GDAP1: variants seen among roughly 807,000 people sequenced by gnomAD.
GDAP1 encodes ganglioside-induced differentiation-associated protein 1.
GDAP1 carries 34 observed loss-of-function variants against 40.1 expected under a neutral mutation model. That is an observed-to-expected ratio of 0.85 (90% CI 0.64 to 1.13). The LOEUF is 1.13. GDAP1 is among the 50% of genes most tolerant of loss of function. GDAP1 has a pLI of 0.00. For synonymous variants in GDAP1, 170 were observed against 157.4 expected (o/e 1.08, Z -0.60); for missense variants, 374 against 433.7 (o/e 0.86, Z 1.22).
At chr8:74,481,615 A>G (rs557657449) in intron 2 of GDAP1, among the ~76,000 whole-genome samples, 1 of 152,218 alleles carries the variant, frequency 6.6e-6, no homozygotes, top group African/African-American at 2.4e-5. Flanking sequence ...TCCCTTTCTA[A>G]TAAGTTGTTC....
At chr8:74,357,953 A>G (rs1232233665) in intron 2 of GDAP1, among the ~76,000 whole-genome samples, 1 of 152,232 alleles carries the variant, frequency 6.6e-6, no homozygotes, top group Non-Finnish European at 1.5e-5. Context: ...TTCCTTTGAA[A>G]AACTCTTTTA....
chr8:74,461,059 T>C (rs2131579909), intron 2 of GDAP1, among the ~76,000 whole-genome samples: 2 of 152,322 alleles, frequency 1.3e-5, no homozygotes, highest in South Asian at 4.1e-4. Context: ...TCAGTCTGCA[T>C]CTGAGGCCAC....
At chr8:74,371,926 AC>A (rs1049992919) in intron 2 of GDAP1, among the ~76,000 whole-genome samples, 1 of 70,060 alleles carries the variant, frequency 1.4e-5, no homozygotes, top group African/African-American at 5.3e-5. Context: ...CTCCCCCCCC[AC>A]CCCATGACAG....
At chr8:74,384,795 C>A (rs1417945533) in intron 2 of GDAP1, among the ~76,000 whole-genome samples, 1 of 152,178 alleles carries the variant, frequency 6.6e-6, no homozygotes, top group East Asian at 1.9e-4. Context: ...GCTGCACCGA[C>A]TTACATCTTT....
chr8:74,352,613 A>G (rs1187103680), intron 2 of GDAP1, among the ~76,000 whole-genome samples: 1 of 152,264 alleles, frequency 6.6e-6, no homozygotes, highest in East Asian at 1.9e-4. Context: ...CTAGTCCCCT[A>G]GGATTGTGAT....
At position 74,366,006 on chromosome 8, in the gene GDAP1, A is replaced by G. The variant is rs145245478; in HGVS notation, c.*1639A>G. 1,145 of 451,854 alleles carry G rather than the reference A, an allele frequency of 2.5e-3. 2 individuals carry two copies. The highest frequency in any genetic ancestry group is 4.2e-3 in the Middle Eastern group (6 of 1,430). The allele number at this position is 451,854 out of a possible 1,614,324, so 28.0% of individuals were successfully genotyped here. On this transcript the variant is annotated 3_prime_UTR_variant, in exon 6 of 6. Coordinates refer to ENST00000220822, the MANE Select transcript of GDAP1 (RefSeq NM_018972.4). ...TTTATGTCACTCTGTTAGAAACAAG[A>G]ACTGAGTCGTGAAGAAATAAGAATT... is the stretch of plus-strand genomic sequence containing the variant.
intron 2 of GDAP1, among the ~76,000 whole-genome samples, chr8:74,388,857 G>A (rs1185095299): frequency 1.3e-5 from 2 of 152,084 alleles, no homozygotes; most frequent in Non-Finnish European, 2.9e-5. Flanking sequence ...ATGAATCTGG[G>A]TGCTCCTGTA....
chr8:74,356,521 G>A (rs1046635860), intron 2 of GDAP1, among the ~76,000 whole-genome samples: 9 of 151,586 alleles, frequency 5.9e-5, no homozygotes, highest in African/African-American at 1.7e-4. Flanking sequence ...TTGACACCGG[G>A]TCTTTTTGTT....
chr8:74,386,616 C>T (rs534067893), intron 2 of GDAP1, among the ~76,000 whole-genome samples: 23 of 152,174 alleles, frequency 1.5e-4, no homozygotes, highest in African/African-American at 4.8e-4. Flanking sequence ...AGTCAGGTAG[C>T]GTGATGCCTC....
chr8:74,370,805 A>G (rs1809735725), downstream of GDAP1, among the ~76,000 whole-genome samples: 1 of 152,236 alleles, frequency 6.6e-6, no homozygotes, highest in African/African-American at 2.4e-5. Flanking sequence ...TATACCAGGT[A>G]TACATCAAGA....
At chr8:74,361,561 C>A (rs1809364683) in intron 3 of GDAP1, among the ~76,000 whole-genome samples, 1 of 152,160 alleles carries the variant, frequency 6.6e-6, no homozygotes, top group Non-Finnish European at 1.5e-5. Flanking sequence ...CACGCCCAGA[C>A]AATTTTTGTA....
At chr8:74,358,576 A>G (rs1470717077) in intron 2 of GDAP1, among the ~76,000 whole-genome samples, 1 of 152,232 alleles carries the variant, frequency 6.6e-6, no homozygotes, top group Non-Finnish European at 1.5e-5. Flanking sequence ...CAATCCCACT[A>G]GCTGTCAGAG....
rs374478811 is a variant in GDAP1 at position 74,376,347 on chromosome 8, CTT to C, written c.165+25044_165+25045del. 3.4e-3 allele frequency among the ~76,000 whole-genome samples: 427 copies of C among 126,946 alleles called. 1 individual carries two copies. Among genetic ancestry groups the C allele is most frequent in the African/African-American group, 0.011 (376 of 34,310 alleles). The allele number at this position is 126,946 out of a possible 152,430, so 83.3% of individuals were successfully genotyped here. ...TGAGACACACTGGAGTTAGAGGGATCTTTTTTTTTTTTTTTTTTTGAGATGGA... is the reference window on the plus strand; with the variant it reads ...TGAGACACACTGGAGTTAGAGGGATCTTTTTTTTTTTTTTTTTGAGATGGA... On this transcript the variant is annotated intron_variant, in intron 2 of 2. Coordinates refer to the GDAP1 transcript ENST00000523640.
intron 3 of GDAP1, 55 bp from the exon 4 acceptor site, chr8:74,361,829 A>T: frequency 1.1e-6 from 1 of 947,972 alleles, no homozygotes; most frequent in Non-Finnish European, 1.7e-6. Flanking sequence ...TCTCCTTGTT[A>T]CTGGTGTAGA....
At chr8:74,469,117 A>C (rs1029488768) in intron 2 of GDAP1, among the ~76,000 whole-genome samples, 1 of 152,108 alleles carries the variant, frequency 6.6e-6, no homozygotes. Context: ...GAGTAAACCC[A>C]ATTTGGTCTT....
chr8:74,383,771 T>A (rs1353121773), intron 2 of GDAP1, among the ~76,000 whole-genome samples: 1 of 152,166 alleles, frequency 6.6e-6, no homozygotes, highest in Non-Finnish European at 1.5e-5. Context: ...CAGGTTTGGT[T>A]TTTAGCTGCA....
intron 2 of GDAP1, among the ~76,000 whole-genome samples, chr8:74,460,479 G>A (rs1218666944): frequency 1.3e-5 from 2 of 152,172 alleles, no homozygotes; most frequent in African/African-American, 4.8e-5. Flanking sequence ...TAAAACATAT[G>A]TCTATGTGAA....
chr8:74,460,852 G>T (rs973290477), intron 2 of GDAP1, among the ~76,000 whole-genome samples: 1 of 152,146 alleles, frequency 6.6e-6, no homozygotes, highest in African/African-American at 2.4e-5. Context: ...AGAAAGAGGA[G>T]AAGAGAAGAC....
chr8:74,405,738 T>A (rs186690355), intron 2 of GDAP1, among the ~76,000 whole-genome samples: 2 of 150,198 alleles, frequency 1.3e-5, no homozygotes. Flanking sequence ...AATAGCAGAG[T>A]TGAAGCATCA....
Sources: allele counts gnomAD v4.1 joint callset (sites outside exome capture counted in the v4.1 genomes callset), GRCh38; gene constraint gnomAD v4.1.1; transcripts MANE v1.5; gene names NCBI Gene and HGNC (gene_info 2026-07-23, HGNC 2026-07-21).